The following ANKRD36B variants were observed in gnomAD, a reference collection of about 807,000 sequenced individuals.
ANKRD36B encodes the protein ankyrin repeat domain-containing protein 36B.
In ANKRD36B, 37 loss-of-function variants were observed where a neutral mutation model predicts 135.7. The ratio of observed to expected loss-of-function variants is 0.27; its 90% CI spans 0.21 to 0.36. ANKRD36B has a LOEUF of 0.36. Among genes scored for constraint, ANKRD36B ranks in the 10% least tolerant of loss-of-function variants. The pLI, the probability that ANKRD36B is intolerant of heterozygous loss-of-function variation, is 1.00. For synonymous variants in ANKRD36B, 179 were observed against 348.1 expected, an observed-to-expected ratio of 0.51 and a Z score of 5.41; for missense variants, 549 against 1,037.1, an observed-to-expected ratio of 0.53 and a Z score of 6.46.
intron 5 of ANKRD36B, among the ~76,000 whole-genome samples, chr2:97,578,607 T>A (rs2082375112): frequency 6.6e-6 from 1 of 152,034 alleles, no homozygotes; most frequent in Non-Finnish European, 1.5e-5. Context: ...GAAACTACTT[T>A]ACCCTATGCA....
At chr2:97,570,714 A>G (rs543294868) in intron 6 of ANKRD36B, among the ~76,000 whole-genome samples, 2 of 152,310 alleles carry the variant, frequency 1.3e-5, no homozygotes, top group South Asian at 2.1e-4. Flanking sequence ...GGCTTCCCCA[A>G]GACTTGCCAC....
At chr2:97,550,020 A>G (rs1256643041) in intron 18 of ANKRD36B, among the ~76,000 whole-genome samples, 2 of 151,818 alleles carry the variant, frequency 1.3e-5, no homozygotes, top group African/African-American at 4.8e-5. Context: ...TTACACCATT[A>G]TACTACAAAC....
intron 8 of ANKRD36B, among the ~76,000 whole-genome samples, chr2:97,560,040 ACT>A (rs1046360037): frequency 2.6e-5 from 4 of 151,890 alleles, no homozygotes; most frequent in Non-Finnish European, 5.9e-5. Flanking sequence ...CAATTCTAGC[ACT>A]GTTTCCTGCT....
chr2:97,560,803 G>C, intron 7 of ANKRD36B, 29 bp downstream of exon 7: 1 of 1,583,146 alleles, frequency 6.3e-7, no homozygotes, highest in Middle Eastern at 2.1e-4. Flanking sequence ...ACAGTTAATA[G>C]TTCAACATAT....
At chr2:97,571,549 G>A (rs1388209557) in intron 6 of ANKRD36B, among the ~76,000 whole-genome samples, 9 of 151,926 alleles carry the variant, frequency 5.9e-5, no homozygotes, top group Admixed American at 1.3e-4. Flanking sequence ...GGGAGGCTGA[G>A]GCAGGAGAAG....
At chr2:97,556,788 A>C in intron 12 of ANKRD36B, 149 bp downstream of exon 12, 4 of 1,289,104 alleles carry the variant, frequency 3.1e-6, no homozygotes, top group Non-Finnish European at 4.3e-6. Context: ...CAGCATCAGC[A>C]CCACCTGACA....
chr2:97,562,759 T>C (rs551409537), intron 6 of ANKRD36B, among the ~76,000 whole-genome samples: 20 of 152,196 alleles, frequency 1.3e-4, no homozygotes, highest in Non-Finnish European at 1.6e-4. Context: ...TTCTGACACA[T>C]GTGAAGATAA....
At chr2:97,578,853 A>G (rs1374481917) in intron 5 of ANKRD36B, 53 bp downstream of exon 5, 2 of 1,584,084 alleles carry the variant, frequency 1.3e-6, no homozygotes, top group African/African-American at 2.7e-5. Flanking sequence ...AATTGTTACA[A>G]TTATTTTAAA....
chr2:97,571,597 G>A (rs537920588), intron 6 of ANKRD36B, among the ~76,000 whole-genome samples: 2 of 150,584 alleles, frequency 1.3e-5, no homozygotes, highest in East Asian at 4.0e-4. Context: ...AGTGAGCCGA[G>A]ATTGCGCCAC....
At chr2:97,547,039 T>C (rs1209324740) in intron 22 of ANKRD36B, among the ~76,000 whole-genome samples, 1 of 151,702 alleles carries the variant, frequency 6.6e-6, no homozygotes, top group African/African-American at 2.4e-5. Context: ...CAGAAAATTA[T>C]ATAAAAGAAT....
chr2:97,551,455 C>T lies in ANKRD36B; in HGVS notation c.1299G>A (p.Leu433=). Residue 433 remains leucine, a synonymous_variant, in exon 17 of 44, where the codon TTG becomes TTA. Transcript: ENST00000359901. ...GTVSSQKKPA[L]KATSDEKDSF... ...ATATAAATGAGAGTTTCATTACCTTCAAGGCTGGTTTTTTCTGAGAAGACA... is the reference window on the plus strand; with the variant it reads ...ATATAAATGAGAGTTTCATTACCTTTAAGGCTGGTTTTTTCTGAGAAGACA... 1 of 1,607,128 alleles carries T rather than the reference C, an allele frequency of 6.2e-7. No individual in the cohort carries two copies. The highest frequency in any genetic ancestry group is 8.5e-7 in the Non-Finnish European group (1 of 1,178,768).
chr2:97,556,034 T>C (rs1177401397), intron 12 of ANKRD36B, among the ~76,000 whole-genome samples: 7 of 152,054 alleles, frequency 4.6e-5, no homozygotes, highest in African/African-American at 1.7e-4. Context: ...CCAATATTCA[T>C]TGAAAATAAC....
rs755503285 is a variant in ANKRD36B, at chr2:97,558,918, A to C, written c.895-47T>G. ...ATAATCAATATGTAAAGTAGGTTTCATAGACTATACGGTTAATAGTTCAAC... is the reference window on the plus strand; with the variant it reads ...ATAATCAATATGTAAAGTAGGTTTCCTAGACTATACGGTTAATAGTTCAAC... On this transcript the variant is annotated intron_variant, in intron 9 of 43. Transcript: ENST00000359901. 2.5e-6 allele frequency: 4 copies of C among 1,608,142 alleles called. No homozygotes were observed. In the Admixed American group the frequency reaches 6.7e-5, roughly 27 times the overall value.
chr2:97,564,889 G>GT (rs1316220146), intron 6 of ANKRD36B, among the ~76,000 whole-genome samples: 18 of 152,164 alleles, frequency 1.2e-4, no homozygotes, highest in Admixed American at 3.9e-4. Context: ...ATTTAAAGTA[G>GT]TTTTTTCTAA....
At chr2:97,578,332 T>A (rs1577091355) in intron 5 of ANKRD36B, among the ~76,000 whole-genome samples, 1 of 152,038 alleles carries the variant, frequency 6.6e-6, no homozygotes, top group Non-Finnish European at 1.5e-5. Flanking sequence ...CAAAGGTTAA[T>A]CACTACCAGA....
chr2:97,547,461 C>T lies in ANKRD36B; in HGVS notation c.1579+75G>A, dbSNP rs1055110750. 6.8e-5 allele frequency: 96 copies of T among 1,411,678 alleles called. 1 individual carries two copies. Among genetic ancestry groups the T allele is most frequent in the Non-Finnish European group, 7.8e-5 (81 of 1,039,580 alleles). The allele number at this position is 1,411,678 out of a possible 1,614,324, so 87.4% of individuals were successfully genotyped here. A position where few individuals can be genotyped will look rare whatever the true frequency, so the allele number is the denominator to read the frequency against. On this transcript the variant is annotated intron_variant, in intron 22 of 43. Coordinates refer to ENST00000359901, the MANE Select transcript of ANKRD36B (RefSeq NM_001393939.1). Reference sequence around the variant, plus strand: ...GAATGTGCAGCTTCAACGAGCCCCCCGCAGATTTATTCAGGGAAGAGAATT... The same window carrying T: ...GAATGTGCAGCTTCAACGAGCCCCCTGCAGATTTATTCAGGGAAGAGAATT...
chr2:97,543,167 T>G (rs2079235431), intron 26 of ANKRD36B, among the ~76,000 whole-genome samples: 1 of 151,928 alleles, frequency 6.6e-6, no homozygotes, highest in African/African-American at 2.4e-5. Flanking sequence ...AATTCTAGCA[T>G]TATCTCCTGC....
At chr2:97,583,018 A>C (rs2082725109) in intron 3 of ANKRD36B, among the ~76,000 whole-genome samples, 1 of 151,884 alleles carries the variant, frequency 6.6e-6, no homozygotes, top group African/African-American at 2.4e-5. Context: ...ATCAGAAATA[A>C]AAATACAATG....
At chr2:97,544,999 CTCCT>C (rs2079335295) in intron 24 of ANKRD36B, among the ~76,000 whole-genome samples, 1 of 94,954 alleles carries the variant, frequency 1.1e-5, no homozygotes, top group African/African-American at 3.1e-5. Context: ...TAGTAAATTA[CTCCT>C]AAAGAGGAGT....
Sources: allele counts gnomAD v4.1 joint callset (sites outside exome capture counted in the v4.1 genomes callset), GRCh38; gene constraint gnomAD v4.1.1; transcripts MANE v1.5; gene names NCBI Gene and HGNC (gene_info 2026-07-23, HGNC 2026-07-21).